SLC67A1: variants seen among roughly 807,000 people sequenced by gnomAD.
SLC67A1 encodes solute carrier family 67 member 1.
At chr11:2,907,141 C>T in the SLC67A1 span, among the ~76,000 whole-genome samples, 7 of 140,988 alleles carry the variant, frequency 5.0e-5, no homozygotes, top group South Asian at 2.3e-4. The surrounding 1 kb of genome is among the most constrained non-coding windows in gnomAD (Gnocchi z 6.7). Flanking sequence ...GGGGAGAATT[C>T]GTGTGGACCA....
chr11:2,905,131 C>T, the SLC67A1 span, among the ~76,000 whole-genome samples: 5 of 152,262 alleles, frequency 3.3e-5, no homozygotes, highest in Non-Finnish European at 5.9e-5. Context: ...AGTGGAGAGC[C>T]GAAGGGAGCT....
chr11:2,919,471 A>G, the SLC67A1 span: 1 of 1,211,808 alleles, frequency 8.3e-7, no homozygotes, highest in African/African-American at 1.5e-5. Flanking sequence ...CAGGCCTCTG[A>G]GAGTAGAGGC....
the SLC67A1 span, chr11:2,919,214 AC>A: frequency 1.2e-6 from 1 of 863,006 alleles, no homozygotes; most frequent in South Asian, 1.5e-5. Flanking sequence ...GGGCCCAGAC[AC>A]CCTGATTGGC....
the SLC67A1 span, chr11:2,909,449 G>C: frequency 7.0e-7 from 1 of 1,438,124 alleles, no homozygotes; most frequent in Non-Finnish European, 9.1e-7. Context: ...GCGTGCGCGC[G>C]GGGTCTGGCC....
the SLC67A1 span, chr11:2,909,270 T>G: frequency 6.5e-7 from 1 of 1,535,380 alleles, no homozygotes; most frequent in South Asian, 1.2e-5. Context: ...TACCTGCTCC[T>G]GGCGGCCGCC....
chr11:2,908,791 G>C, the SLC67A1 span, among the ~76,000 whole-genome samples: 2 of 152,190 alleles, frequency 1.3e-5, no homozygotes, highest in African/African-American at 4.8e-5. Flanking sequence ...GGGTTCCGCA[G>C]GCAGCAGACC....
chr11:2,903,109 C>T, the SLC67A1 span: 1 of 901,728 alleles, frequency 1.1e-6, no homozygotes, highest in South Asian at 2.8e-5. Flanking sequence ...GAGACCAGAG[C>T]TGTCAAAAGT....
the SLC67A1 span, chr11:2,909,080 C>T: frequency 4.0e-6 from 4 of 1,008,252 alleles, no homozygotes; most frequent in Middle Eastern, 3.0e-4. Context: ...CCCCCGCCCT[C>T]CATCCCCATC....
At chr11:2,911,230 G>A in the SLC67A1 span, among the ~76,000 whole-genome samples, 9 of 152,134 alleles carry the variant, frequency 5.9e-5, no homozygotes, top group African/African-American at 2.2e-4. Context: ...TCGGGAAGTC[G>A]TGCTATAAAT....
the SLC67A1 span, chr11:2,921,948 C>T: frequency 7.5e-5 from 51 of 678,476 alleles, no homozygotes; most frequent in South Asian, 1.3e-4. Flanking sequence ...GGAGAGACCC[C>T]GGGGCTTGCA....
At chr11:2,902,954 C>T in the SLC67A1 span, among the ~76,000 whole-genome samples, 1 of 152,230 alleles carries the variant, frequency 6.6e-6, no homozygotes, top group South Asian at 2.1e-4. Context: ...TGGACTCAGC[C>T]ACCACTCCGA....
chr11:2,905,645 A>G, the SLC67A1 span, among the ~76,000 whole-genome samples: 1 of 152,182 alleles, frequency 6.6e-6, no homozygotes, highest in Non-Finnish European at 1.5e-5. Flanking sequence ...ATACGTGTGC[A>G]TGTGTCTTTA....
At chr11:2,906,379 A>G in the SLC67A1 span, among the ~76,000 whole-genome samples, 1 of 152,260 alleles carries the variant, frequency 6.6e-6, no homozygotes, top group African/African-American at 2.4e-5. Flanking sequence ...GTATATACCC[A>G]AAGGATTATA....
chr11:2,917,716 A>G, the SLC67A1 span, among the ~76,000 whole-genome samples: 6 of 152,328 alleles, frequency 3.9e-5, no homozygotes, highest in African/African-American at 1.4e-4. Flanking sequence ...AGGCCAGTCT[A>G]CCTGCGTGCA....
At chr11:2,899,717 T>A in the SLC67A1 span, 1 of 1,457,372 alleles carries the variant, frequency 6.9e-7, no homozygotes, top group South Asian at 1.4e-5. Flanking sequence ...CTGAGCCTGT[T>A]CATGACAAAA....
At chr11:2,902,615 T>C in the SLC67A1 span, 1 of 985,330 alleles carries the variant, frequency 1.0e-6, no homozygotes, top group Non-Finnish European at 1.2e-6. Context: ...CAGCTGTTAA[T>C]GTGGCAAAAT....
At chr11:2,925,104 C>A in the SLC67A1 span, 4 of 1,613,764 alleles carry the variant, frequency 2.5e-6, no homozygotes, top group South Asian at 4.4e-5. This position sits in a 1 kb window ranked among gnomAD's most constrained non-coding sequence, Gnocchi z 6.5. Flanking sequence ...TTGGCGTCCC[C>A]GTCTTCGGCC....
chr11:2,922,508 G>A, the SLC67A1 span: 12 of 1,612,904 alleles, frequency 7.4e-6, no homozygotes, highest in Middle Eastern at 3.3e-4. Context: ...CACCCTCAAC[G>A]TGGTCACCGA....
chr11:2,900,517 C>T, the SLC67A1 span, among the ~76,000 whole-genome samples: 1 of 151,850 alleles, frequency 6.6e-6, no homozygotes, highest in Non-Finnish European at 1.5e-5. Flanking sequence ...CACGGTGAAA[C>T]TCCGTCTCTA....
Sources: allele counts gnomAD v4.1 joint callset (sites outside exome capture counted in the v4.1 genomes callset), GRCh38; gene constraint gnomAD v4.1.1; non-coding constraint Gnocchi (gnomAD v3.1); transcripts MANE v1.5; gene names NCBI Gene and HGNC (gene_info 2026-07-23, HGNC 2026-07-21).